The following NEK5 variants were observed in gnomAD, a reference collection of about 807,000 sequenced individuals.
NEK5 encodes the protein NIMA related kinase 5, also known as serine/threonine-protein kinase Nek5.
Under a neutral mutation model 109.2 loss-of-function variants are expected in NEK5, and 88 were observed. That is an observed-to-expected ratio of 0.81 (90% confidence interval 0.68 to 0.96). NEK5 has a LOEUF of 0.96. Ranked by LOEUF, NEK5 falls within the 40% of genes least tolerant of loss-of-function variation. The pLI, the probability that NEK5 is intolerant of heterozygous loss-of-function variation, is 0.00. For synonymous variants in NEK5, 283 were observed against 299.9 expected, an observed-to-expected ratio of 0.94 and a Z score of 0.58; for missense variants, 834 against 920.7, an observed-to-expected ratio of 0.91 and a Z score of 1.22.
chr13:52,083,712 C>G (rs1955061389), intron 16 of NEK5, among the ~76,000 whole-genome samples: 1 of 151,982 alleles, frequency 6.6e-6, no homozygotes, highest in Admixed American at 6.6e-5. Flanking sequence ...AATTTTTTGT[C>G]TTTTTAGTAG....
At chr13:52,067,489 T>G (rs1434303286) in intron 20 of NEK5, among the ~76,000 whole-genome samples, 1 of 152,166 alleles carries the variant, frequency 6.6e-6, no homozygotes, top group Non-Finnish European at 1.5e-5. Flanking sequence ...TTGTTCTTTG[T>G]GCAATCAGTG....
intron 17 of NEK5, among the ~76,000 whole-genome samples, chr13:52,079,318 C>CCCTCT (rs1486660844): frequency 6.7e-6 from 1 of 148,282 alleles, no homozygotes; most frequent in East Asian, 2.0e-4. Context: ...CTCTCCCTCT[C>CCCTCT]CCCTCTTTCC....
chr13:52,062,869 A>C (rs1390861056), intron 21 of NEK5, among the ~76,000 whole-genome samples: 1 of 152,194 alleles, frequency 6.6e-6, no homozygotes, highest in East Asian at 1.9e-4. Context: ...TTGAACTATT[A>C]ACTCTCGAAA....
intron 23 of NEK5, among the ~76,000 whole-genome samples, chr13:52,037,943 A>C (rs1954378075): frequency 6.6e-6 from 1 of 150,644 alleles, no homozygotes; most frequent in African/African-American, 2.4e-5. Context: ...AATGTGTTGA[A>C]GGTCTCACAG....
intron 14 of NEK5, among the ~76,000 whole-genome samples, chr13:52,088,224 T>C (rs565947288): frequency 6.6e-6 from 1 of 151,884 alleles, no homozygotes; most frequent in Non-Finnish European, 1.5e-5. Flanking sequence ...CCATAATATC[T>C]GGCCTAATCA....
At chr13:52,097,352 C>T (rs575924193) in intron 12 of NEK5, among the ~76,000 whole-genome samples, 23 of 152,332 alleles carry the variant, frequency 1.5e-4, no homozygotes, top group Admixed American at 1.3e-3. Flanking sequence ...CTGGAAAAGC[C>T]GCAGACACTC....
intron 21 of NEK5, chr13:52,065,276 G>T: frequency 1.5e-6 from 1 of 682,962 alleles, no homozygotes; most frequent in Non-Finnish European, 2.6e-6. Context: ...CTTTATATGT[G>T]CATGTCTAGA....
At chr13:52,105,007 T>C (rs1172477949) in intron 8 of NEK5, among the ~76,000 whole-genome samples, 1 of 152,218 alleles carries the variant, frequency 6.6e-6, no homozygotes, top group Admixed American at 6.5e-5. Context: ...TCAATAAACA[T>C]TTAAAAATAT....
chr13:52,069,866 G>A (rs368647872), intron 20 of NEK5, among the ~76,000 whole-genome samples: 49 of 152,228 alleles, frequency 3.2e-4, no homozygotes, highest in Non-Finnish European at 4.3e-4. Context: ...GGAGGAGTGC[G>A]GACCTCCCTG....
At chr13:52,080,739 G>C (rs1295618709) in intron 17 of NEK5, among the ~76,000 whole-genome samples, 1 of 151,992 alleles carries the variant, frequency 6.6e-6, no homozygotes, top group Non-Finnish European at 1.5e-5. Flanking sequence ...CAAGTACCCA[G>C]GGACACAAAC....
Position 52,084,734 on chromosome 13 carries a change from TGAGAGAGAGA to T in NEK5, c.1480-1392_1480-1383del, listed in dbSNP as rs1170629594. On this transcript the variant is annotated intron_variant, in intron 16 of 23. Transcript: ENST00000684899. ...AAGAGAGAGAGAGAGAGAGAGAGAG[TGAGAGAGAGA>T]GAGAGAGAGAGAGAGAGAGTGTGTG... Among the ~76,000 whole-genome samples the T allele has an allele frequency of 3.0e-4, 33 of 110,082 alleles. 2 individuals are homozygous for T. The South Asian group carries it at 7.7e-3, about 26-fold the overall frequency. The allele number at this position is 110,082 out of a possible 152,430, so 72.2% of individuals were successfully genotyped here.
rs185819122 is a variant in NEK5, at chr13:52,060,004, T to C, written c.2110+1815A>G. Among the ~76,000 whole-genome samples the C allele has an allele frequency of 8.9e-3, 1,352 of 151,762 alleles. 7 individuals carry two copies. The highest frequency in any genetic ancestry group is 0.014 in the Non-Finnish European group (951 of 67,936). Reference sequence around the variant, plus strand: ...TAATCATAATAATAATTAGGTTTTCTAATGTGTTTACTTAAAAAAGGTTTT... The same window carrying C: ...TAATCATAATAATAATTAGGTTTTCCAATGTGTTTACTTAAAAAAGGTTTT... On this transcript the variant is annotated intron_variant, in intron 22 of 23. Transcript: ENST00000684899.
Position 52,033,747 on chromosome 13 carries a change from T to TATC in NEK5, c.*3198_*3200dup, listed in dbSNP as rs1351040374. On this transcript the variant is annotated 3_prime_UTR_variant, in exon 24 of 24. Coordinates refer to ENST00000684899, the MANE Select transcript of NEK5 (RefSeq NM_001365552.1). ...CAAAATTAAGAGACACCAGTGTGGT[T>TATC]ATCAATGCTTTCAGAATACTTGTGT... The TATC allele has an allele frequency of 1.3e-5, 2 of 152,572 alleles. No homozygotes were observed. The highest frequency in any genetic ancestry group is 4.8e-5 in the African/African-American group (2 of 41,458). The allele number at this position is 152,572 out of a possible 1,614,324, so 9.5% of individuals were successfully genotyped here. A position where few individuals can be genotyped will look rare whatever the true frequency, so the allele number is the denominator to read the frequency against.
intron 16 of NEK5, among the ~76,000 whole-genome samples, chr13:52,083,712 CT>C (rs1317369013): frequency 1.3e-5 from 2 of 151,982 alleles, no homozygotes; most frequent in Admixed American, 1.3e-4. Flanking sequence ...AATTTTTTGT[CT>C]TTTTAGTAGA....
intron 19 of NEK5, among the ~76,000 whole-genome samples, chr13:52,075,362 A>T (rs1211152546): frequency 6.6e-6 from 1 of 152,166 alleles, no homozygotes. Context: ...CAAATTACAT[A>T]GGGATAGAAA....
intron 13 of NEK5, among the ~76,000 whole-genome samples, chr13:52,090,507 G>A (rs1955256673): frequency 6.6e-6 from 1 of 152,188 alleles, no homozygotes; most frequent in Admixed American, 6.5e-5. Context: ...CACAGGAATT[G>A]ATACGAGGAT....
intron 12 of NEK5, among the ~76,000 whole-genome samples, chr13:52,093,446 G>C (rs1352210667): frequency 3.3e-5 from 5 of 152,066 alleles, no homozygotes; most frequent in African/African-American, 9.7e-5. Flanking sequence ...TGTAATCCCA[G>C]CTACTTGGGA....
intron 23 of NEK5, among the ~76,000 whole-genome samples, chr13:52,047,878 A>C (rs1335552219): frequency 1.3e-5 from 2 of 152,184 alleles, no homozygotes; most frequent in Non-Finnish European, 2.9e-5. Flanking sequence ...TAAAATTTTA[A>C]AAATTCAAAG....
intron 16 of NEK5, among the ~76,000 whole-genome samples, chr13:52,084,723 G>C (rs1397650556): frequency 1.5e-5 from 2 of 133,872 alleles, no homozygotes; most frequent in African/African-American, 2.7e-5. Context: ...GAGAGAGAGA[G>C]AGAGAGAGAG....
Sources: allele counts gnomAD v4.1 joint callset (sites outside exome capture counted in the v4.1 genomes callset), GRCh38; gene constraint gnomAD v4.1.1; transcripts MANE v1.5; gene names NCBI Gene and HGNC (gene_info 2026-07-23, HGNC 2026-07-21).